MAGI2: variants seen among roughly 807,000 people sequenced by gnomAD.
The protein encoded by MAGI2 is membrane-associated guanylate kinase, WW and PDZ domain-containing protein 2.
In MAGI2, 35 loss-of-function variants were observed where a neutral mutation model predicts 133.3. The ratio of observed to expected loss-of-function variants is 0.26; its 90% CI spans 0.20 to 0.35. The LOEUF (loss-of-function observed/expected upper bound fraction) is 0.35, where lower values mean the gene tolerates loss of function less well. Among genes scored for constraint, MAGI2 ranks in the 10% least tolerant of loss-of-function variants. MAGI2 has a pLI of 1.00. For synonymous variants in MAGI2, 729 were observed against 710.6 expected, an observed-to-expected ratio of 1.03 and a Z score of -0.41; for missense variants, 1,636 against 1,863.4, an observed-to-expected ratio of 0.88 and a Z score of 2.25.
chr7:78,634,360 T>G (rs1809396627), intron 2 of MAGI2, among the ~76,000 whole-genome samples: 2 of 152,226 alleles, frequency 1.3e-5, no homozygotes, highest in African/African-American at 4.8e-5. Flanking sequence ...AAGTAGGTCA[T>G]TTAATTTTAC....
At chr7:79,368,108 T>G (rs1049905551) in intron 1 of MAGI2, among the ~76,000 whole-genome samples, 1 of 151,970 alleles carries the variant, frequency 6.6e-6, no homozygotes, top group Middle Eastern at 3.2e-3. Flanking sequence ...ATAAGATGAC[T>G]GAGCACTATA....
At chr7:78,890,576 C>T (rs1183891362) in intron 2 of MAGI2, among the ~76,000 whole-genome samples, 6 of 152,142 alleles carry the variant, frequency 3.9e-5, no homozygotes, top group Admixed American at 1.3e-4. Context: ...AAGAAACTCA[C>T]TCAAAACCGC....
At chr7:79,451,693 C>T (rs1401226815) in intron 1 of MAGI2, among the ~76,000 whole-genome samples, 1 of 152,052 alleles carries the variant, frequency 6.6e-6, no homozygotes, top group African/African-American at 2.4e-5. Context: ...GGTACATCTC[C>T]GTAAAAGCAT....
intron 2 of MAGI2, among the ~76,000 whole-genome samples, chr7:78,973,428 A>AGAT (rs1562736520): frequency 1.3e-5 from 2 of 151,806 alleles, no homozygotes; most frequent in African/African-American, 4.8e-5. Flanking sequence ...ATTGATGGGA[A>AGAT]GATAGATTGA....
At chr7:79,264,234 T>G (rs1359624253) in intron 1 of MAGI2, among the ~76,000 whole-genome samples, 2 of 152,200 alleles carry the variant, frequency 1.3e-5, no homozygotes, top group Admixed American at 1.3e-4. Flanking sequence ...CAGATCTATA[T>G]TCTATGAATC....
intron 1 of MAGI2, among the ~76,000 whole-genome samples, chr7:79,377,993 C>T (rs965360790): frequency 1.3e-5 from 2 of 151,868 alleles, no homozygotes; most frequent in Non-Finnish European, 2.9e-5. Flanking sequence ...GTGATTCAGA[C>T]TAGACATGTT....
rs1809049730 is a variant in MAGI2, at chr7:79,019,284, G to A, written c.302-12078C>T. 2.0e-5 allele frequency among the ~76,000 whole-genome samples: 3 copies of A among 152,134 alleles called. No individual in the cohort carries two copies. In the South Asian group the frequency reaches 6.2e-4, roughly 32 times the overall value. On this transcript the variant is annotated intron_variant, in intron 1 of 21. Transcript: ENST00000354212. Reference sequence around the variant, plus strand: ...CACGTGTCAAGGGCAGGACTGGGTGGAGATAATTTAATCATGGGGGCAGTT... The same window carrying A: ...CACGTGTCAAGGGCAGGACTGGGTGAAGATAATTTAATCATGGGGGCAGTT...
At chr7:78,164,250 C>CCGG (rs1825397693) in intron 15 of MAGI2, among the ~76,000 whole-genome samples, 1 of 150,176 alleles carries the variant, frequency 6.7e-6, no homozygotes, top group Admixed American at 6.7e-5. Context: ...CAGGATGTGC[C>CCGG]TGGGTCTCTT....
intron 1 of MAGI2, among the ~76,000 whole-genome samples, chr7:79,216,858 A>G (rs548477904): frequency 6.6e-6 from 1 of 152,224 alleles, no homozygotes; most frequent in African/African-American, 2.4e-5. Flanking sequence ...ACATCCTGGT[A>G]GTTTTCTTCG....
At chr7:78,299,123 G>A (rs986755230) in intron 9 of MAGI2, among the ~76,000 whole-genome samples, 1 of 152,010 alleles carries the variant, frequency 6.6e-6, no homozygotes, top group Non-Finnish European at 1.5e-5. Context: ...TGGCTATAAC[G>A]GTTTTAAAAT....
At chr7:78,227,918 A>G (rs1391121808) in intron 10 of MAGI2, among the ~76,000 whole-genome samples, 2 of 149,148 alleles carry the variant, frequency 1.3e-5, no homozygotes, top group Non-Finnish European at 3.0e-5. Context: ...GTTATTGTGA[A>G]TGCCTAGACA....
chr7:78,735,363 A>T (rs1585235294), intron 2 of MAGI2, among the ~76,000 whole-genome samples: 1 of 152,198 alleles, frequency 6.6e-6, no homozygotes, highest in South Asian at 2.1e-4. Flanking sequence ...TTTATGTCCT[A>T]TTCCAGGATA....
chr7:79,186,191 A>ATATATATATAT (rs1827078491), intron 1 of MAGI2, among the ~76,000 whole-genome samples: 1 of 111,866 alleles, frequency 8.9e-6, no homozygotes, highest in South Asian at 3.3e-4. Flanking sequence ...TGCCTGGGAA[A>ATATATATATAT]ATATATATAT....
chr7:78,395,916 G>A (rs370994390), intron 6 of MAGI2, among the ~76,000 whole-genome samples: 1 of 152,152 alleles, frequency 6.6e-6, no homozygotes, highest in Non-Finnish European at 1.5e-5. Flanking sequence ...TGGAAAGTCA[G>A]GTTGATCCTT....
At chr7:78,563,335 G>A (rs1800601435) in intron 3 of MAGI2, among the ~76,000 whole-genome samples, 1 of 152,132 alleles carries the variant, frequency 6.6e-6, no homozygotes, top group African/African-American at 2.4e-5. Flanking sequence ...GAGACCATGG[G>A]GGCTGCATTC....
chr7:78,183,726 C>T (rs572575093), intron 13 of MAGI2, among the ~76,000 whole-genome samples: 155 of 152,292 alleles, frequency 1.0e-3, no homozygotes, highest in Middle Eastern at 3.4e-3. Context: ...TGCGCCACAG[C>T]GCCCAGCTGT....
At chr7:78,456,004 C>A (rs1009304561) in intron 6 of MAGI2, among the ~76,000 whole-genome samples, 1 of 151,890 alleles carries the variant, frequency 6.6e-6, no homozygotes, top group Non-Finnish European at 1.5e-5. Context: ...GCTCTCAGGG[C>A]CATCTTTGTC....
chr7:78,457,803 A>G (rs555046234), intron 6 of MAGI2, among the ~76,000 whole-genome samples: 7 of 152,336 alleles, frequency 4.6e-5, no homozygotes, highest in African/African-American at 1.7e-4. Context: ...CAGACTAGTC[A>G]GTGTAAGAGC....
intron 1 of MAGI2, among the ~76,000 whole-genome samples, chr7:79,156,399 T>C (rs1477360268): frequency 6.6e-6 from 1 of 152,060 alleles, no homozygotes; most frequent in Non-Finnish European, 1.5e-5. Flanking sequence ...TATCTGAAAA[T>C]CTAGCACCTT....
Sources: allele counts gnomAD v4.1 joint callset (sites outside exome capture counted in the v4.1 genomes callset), GRCh38; gene constraint gnomAD v4.1.1; transcripts MANE v1.5; gene names NCBI Gene and HGNC (gene_info 2026-07-23, HGNC 2026-07-21).